Variants in TMEM65 observed in about 807,000 individuals in gnomAD.
TMEM65 encodes transmembrane protein 65.
In TMEM65, 22 loss-of-function variants were observed where a neutral mutation model predicts 25.4. The observed-to-expected ratio is 0.86, with a 90% CI of 0.62 to 1.23. TMEM65 has a LOEUF of 1.23. TMEM65 is among the 50% of genes most tolerant of loss of function. TMEM65 has a pLI of 0.00. For synonymous variants in TMEM65, 132 were observed against 126.2 expected, an observed-to-expected ratio of 1.05 and a Z score of -0.31; for missense variants, 262 against 308.2, an observed-to-expected ratio of 0.85 and a Z score of 1.12.
intron 1 of TMEM65, among the ~76,000 whole-genome samples, chr8:124,340,308 G>A (rs1307928696): frequency 1.3e-5 from 2 of 152,106 alleles, no homozygotes; most frequent in Non-Finnish European, 2.9e-5. Context: ...ATCTATATAT[G>A]TGTGATATTT....
At chr8:124,323,622 T>C (rs886288555) in intron 3 of TMEM65, among the ~76,000 whole-genome samples, 33 of 152,082 alleles carry the variant, frequency 2.2e-4, no homozygotes, top group African/African-American at 7.0e-4. Flanking sequence ...TAGCAACACA[T>C]GTAGAAATAT....
At chr8:124,349,304 C>T (rs1814677316) in intron 1 of TMEM65, among the ~76,000 whole-genome samples, 1 of 151,330 alleles carries the variant, frequency 6.6e-6, no homozygotes, top group African/African-American at 2.4e-5. Context: ...GCTTTTTTTC[C>T]CCTCATAAAA....
chr8:124,321,969 A>G, intron 5 of TMEM65, 136 bp downstream of exon 5: 1 of 717,568 alleles, frequency 1.4e-6, no homozygotes, highest in Non-Finnish European at 2.3e-6. Flanking sequence ...GTTTAGAAAA[A>G]GTAAATTTGA....
intron 1 of TMEM65, among the ~76,000 whole-genome samples, chr8:124,347,064 AGT>A (rs1054671507): frequency 2.0e-5 from 3 of 152,236 alleles, no homozygotes; most frequent in African/African-American, 7.2e-5. Context: ...GCAACACAGC[AGT>A]GTTTTTTTTA....
At chr8:124,342,960 A>AT (rs1369154188) in intron 1 of TMEM65, among the ~76,000 whole-genome samples, 3 of 152,158 alleles carry the variant, frequency 2.0e-5, no homozygotes, top group Admixed American at 2.0e-4. Context: ...CATAAGGCCG[A>AT]TGCTGTAAGA....
Position 124,357,141 on chromosome 8 carries a change from A to T in TMEM65, c.304+14713T>A, listed in dbSNP as rs548377815. On this transcript the variant is annotated intron_variant, in intron 1 of 6. Transcript: ENST00000297632. ...GTTCTTCTTCCTGTTCTCTTCCAATAAACACTGGTGTTTTTCAGCATTTTC... is the reference window on the plus strand; with the variant it reads ...GTTCTTCTTCCTGTTCTCTTCCAATTAACACTGGTGTTTTTCAGCATTTTC... Among the ~76,000 whole-genome samples, 30 of 151,576 alleles carry T rather than the reference A, an allele frequency of 2.0e-4. No individual in the cohort carries two copies. In the South Asian group the frequency reaches 6.1e-3, roughly 31 times the overall value.
At position 124,307,381 on chromosome 8, in the gene TMEM65, T is replaced by C. The variant is rs928115529; in HGVS notation, c.*6579A>G. On this transcript the variant is annotated 3_prime_UTR_variant, in exon 7 of 7. Transcript: ENST00000297632. The stretch of plus-strand genomic sequence containing the variant: ...CATTACAAGAAAAAGTTAAATTGCT[T>C]GATGTGTACTGGTCTGCAGCTGTAG... 1.5e-4 allele frequency: 23 copies of C among 152,162 alleles called. No homozygotes were observed. The highest frequency in any genetic ancestry group is 4.6e-4 in the African/African-American group (19 of 41,428). The allele number at this position is 152,162 out of a possible 1,614,324, so 9.4% of individuals were successfully genotyped here. A position where few individuals can be genotyped will look rare whatever the true frequency, so the allele number is the denominator to read the frequency against.
intron 1 of TMEM65, among the ~76,000 whole-genome samples, chr8:124,348,487 T>TA (rs748711831): frequency 1.2e-4 from 18 of 151,500 alleles, no homozygotes; most frequent in Non-Finnish European, 2.4e-4. Flanking sequence ...TAGTACAACT[T>TA]AAAAAAAAAT....
intron 6 of TMEM65, among the ~76,000 whole-genome samples, chr8:124,318,949 C>A (rs1814272975): frequency 6.6e-6 from 1 of 152,156 alleles, no homozygotes; most frequent in African/African-American, 2.4e-5. Flanking sequence ...ATTCTCATAA[C>A]ACATATAAAC....
intron 1 of TMEM65, among the ~76,000 whole-genome samples, chr8:124,345,541 C>A (rs1455985472): frequency 2.0e-5 from 3 of 152,084 alleles, no homozygotes; most frequent in Admixed American, 2.0e-4. Flanking sequence ...AACATGTTTA[C>A]AACAATGGTG....
intron 1 of TMEM65, among the ~76,000 whole-genome samples, chr8:124,362,918 T>C (rs778017001): frequency 1.3e-5 from 2 of 152,198 alleles, no homozygotes; most frequent in African/African-American, 4.8e-5. Context: ...TTCCATCTCA[T>C]GCTATCTATT....
intron 1 of TMEM65, among the ~76,000 whole-genome samples, chr8:124,369,000 T>C (rs1014865984): frequency 6.6e-6 from 1 of 152,250 alleles, no homozygotes; most frequent in African/African-American, 2.4e-5. Flanking sequence ...AATGGAAATA[T>C]TAATTACAAA....
rs536256662 is a variant in TMEM65 at position 124,352,376 on chromosome 8, AT to A, written c.304+19477del. 5.9e-5 allele frequency among the ~76,000 whole-genome samples: 9 copies of A among 151,878 alleles called. 1 individual carries two copies. The highest frequency in any genetic ancestry group is 6.8e-3 in the Middle Eastern group (2 of 294). On this transcript the variant is annotated intron_variant, in intron 1 of 6. Coordinates refer to ENST00000297632, the MANE Select transcript of TMEM65 (RefSeq NM_194291.3). ...AATAGGGCATTAAAATTTAATATACATTTTTTTCTGCCTATACAAATTAGTG... is the reference window on the plus strand; with the variant it reads ...AATAGGGCATTAAAATTTAATATACATTTTTTCTGCCTATACAAATTAGTG...
At chr8:124,328,457 C>T (rs927889529) in intron 2 of TMEM65, among the ~76,000 whole-genome samples, 1 of 151,230 alleles carries the variant, frequency 6.6e-6, no homozygotes, top group Non-Finnish European at 1.5e-5. Context: ...ATTTTTTATA[C>T]ATTTATTCTC....
At chr8:124,332,706 T>A (rs1343976183) in intron 1 of TMEM65, among the ~76,000 whole-genome samples, 1 of 152,128 alleles carries the variant, frequency 6.6e-6, no homozygotes, top group Admixed American at 6.5e-5. Flanking sequence ...TTCTGCCTCC[T>A]GCTTCACAAA....
At chr8:124,334,078 C>T (rs1231389642) in intron 1 of TMEM65, among the ~76,000 whole-genome samples, 1 of 152,156 alleles carries the variant, frequency 6.6e-6, no homozygotes, top group Non-Finnish European at 1.5e-5. Flanking sequence ...TTGAAGGCAT[C>T]CCACAAGAGT....
At chr8:124,369,331 T>C (rs1447523953) in intron 1 of TMEM65, among the ~76,000 whole-genome samples, 2 of 152,338 alleles carry the variant, frequency 1.3e-5, no homozygotes, top group Admixed American at 1.3e-4. Context: ...TTATATCACA[T>C]GCCTACTGAT....
At chr8:124,352,756 A>C (rs1814728072) in intron 1 of TMEM65, among the ~76,000 whole-genome samples, 1 of 152,090 alleles carries the variant, frequency 6.6e-6, no homozygotes, top group Non-Finnish European at 1.5e-5. Context: ...GAAGCCACAG[A>C]AGCCTAGAAC....
Position 124,372,031 on chromosome 8 carries a change from G to A in TMEM65, c.127C>T (p.Pro43Ser), listed in dbSNP as rs1352453091. Residue 43 changes from proline (P) to serine (S), a missense_variant, in exon 1 of 7, where the codon CCC becomes TCC. By Grantham distance (74) the Pro-to-Ser change is moderately conservative. Transcript: ENST00000297632. ...GGGCCGCCCGGCAAGCCGCCGGGGGGCGCGAGCGCCAGCAGCCCCCGCCCG... is the reference window on the plus strand; with the variant it reads ...GGGCCGCCCGGCAAGCCGCCGGGGGACGCGAGCGCCAGCAGCCCCCGCCCG... ...CCGRGLLALA[P>S]PGGLPGGPRR... The A allele has an allele frequency of 6.4e-6, 8 of 1,259,606 alleles. No individual in the cohort carries two copies. In the Admixed American group the frequency reaches 1.2e-4, roughly 20 times the overall value. 78.0% of individuals were successfully genotyped at this position (1,259,606 alleles called of 1,614,324 possible).
Sources: gnomAD v4.1 joint callset for allele counts (sites outside exome capture counted in the v4.1 genomes callset) on GRCh38, gnomAD v4.1.1 for gene constraint, MANE v1.5 for transcripts, NCBI Gene and HGNC (gene_info 2026-07-23, HGNC 2026-07-21) for gene names.